MCTP1: variants seen among roughly 807,000 people sequenced by gnomAD.
MCTP1 encodes the protein multiple C2 and transmembrane domain containing 1.
MCTP1 carries 69 observed loss-of-function variants against 120.6 expected under a neutral mutation model. That is an observed-to-expected ratio of 0.57 (90% CI 0.47 to 0.70). The LOEUF is 0.70. Among genes scored for constraint, MCTP1 ranks in the 30% least tolerant of loss-of-function variants. The pLI is 0.00. For missense variants in MCTP1, 1,203 were observed against 1,248.8 expected, an observed-to-expected ratio of 0.96 and a Z score of 0.55; for synonymous variants, 529 against 493.1, an observed-to-expected ratio of 1.07 and a Z score of -0.96.
intron 15 of MCTP1, among the ~76,000 whole-genome samples, 179 bp from the exon 16 acceptor site, chr5:94,870,670 C>T (rs895631485): frequency 1.3e-5 from 2 of 152,046 alleles, no homozygotes; most frequent in African/African-American, 2.4e-5. Flanking sequence ...CGGTAGACAG[C>T]GGCCAGAACA....
At chr5:94,913,023 A>G (rs769539871) in intron 8 of MCTP1, 47 bp from the exon 9 acceptor site, 2 of 1,484,930 alleles carry the variant, frequency 1.3e-6, no homozygotes, top group East Asian at 2.6e-5. Context: ...TTTAAACCCA[A>G]AAACCTCATT....
chr5:95,144,857 T>C (rs1013961723), intron 1 of MCTP1, among the ~76,000 whole-genome samples: 1 of 152,172 alleles, frequency 6.6e-6, no homozygotes, highest in Non-Finnish European at 1.5e-5. Context: ...TTGACATTGT[T>C]CTTCTTACTT....
At chr5:94,817,407 A>AAAACAAACAAACAAAC (rs55957139) in intron 17 of MCTP1, among the ~76,000 whole-genome samples, 160 of 150,034 alleles carry the variant, frequency 1.1e-3, no homozygotes, top group Non-Finnish European at 1.0e-3. Context: ...CTCTTGTCTC[A>AAAACAAACAAACAAAC]AAACAAACAA....
At chr5:94,954,225 C>A in intron 2 of MCTP1, among the ~76,000 whole-genome samples, 1 of 131,082 alleles carries the variant, frequency 7.6e-6, no homozygotes, top group Non-Finnish European at 1.6e-5. Flanking sequence ...TACTACTCAG[C>A]CATAAGAAAC....
intron 10 of MCTP1, among the ~76,000 whole-genome samples, chr5:94,908,378 A>T (rs1807496267): frequency 6.6e-6 from 1 of 152,082 alleles, no homozygotes; most frequent in Non-Finnish European, 1.5e-5. Flanking sequence ...TCATAAAAAA[A>T]ATCAAGAGAT....
intron 19 of MCTP1, among the ~76,000 whole-genome samples, chr5:94,770,240 A>G (rs1318669140): frequency 6.6e-6 from 1 of 152,218 alleles, no homozygotes; most frequent in African/African-American, 2.4e-5. Flanking sequence ...CGACTCTGCC[A>G]GCGATCCTGA....
chr5:94,841,310 A>G (rs1329177415), intron 17 of MCTP1, among the ~76,000 whole-genome samples: 1 of 152,190 alleles, frequency 6.6e-6, no homozygotes, highest in East Asian at 1.9e-4. Flanking sequence ...TTCAGTCACA[A>G]ATTTATGGTC....
chr5:94,887,999 G>T (rs974097313), intron 12 of MCTP1, among the ~76,000 whole-genome samples: 1 of 152,160 alleles, frequency 6.6e-6, no homozygotes, highest in Admixed American at 6.6e-5. Context: ...TTATCTGGCT[G>T]AATGTTCAAA....
chr5:94,922,481 T>C (rs58404620), intron 7 of MCTP1, among the ~76,000 whole-genome samples: 34,927 of 149,472 alleles, frequency 0.23, 4,900 homozygotes, highest in South Asian at 0.39. Context: ...AAGTGTGCCA[T>C]GTATATTCCC....
At chr5:94,852,912 A>G (rs1160247193) in intron 17 of MCTP1, among the ~76,000 whole-genome samples, 1 of 152,000 alleles carries the variant, frequency 6.6e-6, no homozygotes, top group African/African-American at 2.4e-5. Flanking sequence ...TTTTCTTTAT[A>G]AAAGCTTCGT....
At chr5:94,910,169 TATACATATATGTATGTGTGC>T (rs1219835546) in intron 9 of MCTP1, among the ~76,000 whole-genome samples, 1 of 151,584 alleles carries the variant, frequency 6.6e-6, no homozygotes, top group African/African-American at 2.4e-5. Context: ...TATATGCATG[TATACATATATGTATGTGTGC>T]ATACATATAT....
intron 2 of MCTP1, among the ~76,000 whole-genome samples, chr5:94,991,271 C>T (rs972938076): frequency 1.3e-5 from 2 of 152,122 alleles, no homozygotes; most frequent in African/African-American, 2.4e-5. Context: ...GATGTGCTAT[C>T]TTGTCACCGT....
At chr5:95,274,329 A>G (rs1759640156) in intron 1 of MCTP1, among the ~76,000 whole-genome samples, 1 of 152,104 alleles carries the variant, frequency 6.6e-6, no homozygotes, top group Non-Finnish European at 1.5e-5. Flanking sequence ...AACTGTTACC[A>G]CCAAGCCTAC....
At chr5:94,823,526 G>C (rs1786179257) in intron 17 of MCTP1, among the ~76,000 whole-genome samples, 1 of 152,106 alleles carries the variant, frequency 6.6e-6, no homozygotes. Flanking sequence ...TGGCTATATG[G>C]GGTCTCTTTT....
intron 19 of MCTP1, among the ~76,000 whole-genome samples, chr5:94,759,283 A>G (rs1196746213): frequency 6.6e-6 from 1 of 152,224 alleles, no homozygotes; most frequent in Non-Finnish European, 1.5e-5. Context: ...TGTAAACACT[A>G]AGAGATTCTG....
At chr5:95,052,034 A>G (rs939036042) in intron 1 of MCTP1, among the ~76,000 whole-genome samples, 5 of 152,200 alleles carry the variant, frequency 3.3e-5, no homozygotes, top group African/African-American at 1.2e-4. Flanking sequence ...TGTACCTAAA[A>G]GTTAAAAAAC....
intron 3 of MCTP1, among the ~76,000 whole-genome samples, chr5:94,947,209 G>A (rs1819162908): frequency 6.6e-6 from 1 of 152,052 alleles, no homozygotes; most frequent in African/African-American, 2.4e-5. Flanking sequence ...TTGACACCAA[G>A]CAATATGGTT....
At chr5:94,954,179 TATGC>T (rs1207207585) in intron 2 of MCTP1, among the ~76,000 whole-genome samples, 1 of 82,066 alleles carries the variant, frequency 1.2e-5, no homozygotes, top group African/African-American at 5.6e-5. Flanking sequence ...CATATATATA[TATGC>T]ATATATATAT....
chr5:94,751,108 A>G (rs1237588636), intron 19 of MCTP1, among the ~76,000 whole-genome samples: 1 of 152,086 alleles, frequency 6.6e-6, no homozygotes, highest in Non-Finnish European at 1.5e-5. Context: ...TTTTAACTAA[A>G]TACTGGCCGG....
Sources: gnomAD v4.1 joint callset for allele counts (sites outside exome capture counted in the v4.1 genomes callset) on GRCh38, gnomAD v4.1.1 for gene constraint, MANE v1.5 for transcripts, NCBI Gene and HGNC (gene_info 2026-07-23, HGNC 2026-07-21) for gene names.